The following THRB variants were observed in gnomAD, a reference collection of about 807,000 sequenced individuals.
THRB encodes nuclear receptor subfamily 1 group A member 2.
THRB carries 12 observed loss-of-function variants against 47.8 expected under a neutral mutation model. The observed-to-expected ratio is 0.25, with a 90% CI of 0.16 to 0.41. The LOEUF is 0.41. Among genes scored for constraint, THRB ranks in the 10% least tolerant of loss-of-function variants. The probability of loss-of-function intolerance (pLI) is 1.00; values close to 1 mark genes in which losing one functional copy is unlikely to be tolerated. For missense variants in THRB, 348 were observed against 589.2 expected, an observed-to-expected ratio of 0.59 and a Z score of 4.24; for synonymous variants, 218 against 212.2, an observed-to-expected ratio of 1.03 and a Z score of -0.24.
intron 1 of THRB, among the ~76,000 whole-genome samples, chr3:24,416,403 C>T (rs2150232564): frequency 6.6e-6 from 1 of 151,950 alleles, no homozygotes; most frequent in East Asian, 2.0e-4. Context: ...TCCTAAACTT[C>T]ACTGGGAGCT....
intron 5 of THRB, among the ~76,000 whole-genome samples, chr3:24,177,627 G>A (rs1575614011): frequency 6.6e-6 from 1 of 152,306 alleles, no homozygotes; most frequent in Non-Finnish European, 1.5e-5. Context: ...ATGGGGCATG[G>A]GGGCGCACAG....
intron 8 of THRB, among the ~76,000 whole-genome samples, chr3:24,141,848 A>G (rs956024530): frequency 1.2e-4 from 19 of 152,352 alleles, no homozygotes; most frequent in Middle Eastern, 3.4e-3. Flanking sequence ...TACAATGTCC[A>G]TTTATGGGTG....
Position 24,143,557 on chromosome 3 carries a change from CT to C in THRB, c.681del (p.Ala228ProfsTer28). 6.2e-7 allele frequency: 1 copy of C among 1,614,190 alleles called. No homozygotes were observed. The highest frequency in any genetic ancestry group is 1.1e-5 in the South Asian group (1 of 91,086). On this transcript the variant is annotated frameshift_variant, in exon 8 of 11. Coordinates refer to ENST00000646209, the MANE Select transcript of THRB (RefSeq NM_001354712.2). LOFTEE classifies it high-confidence loss of function. Reference sequence around the variant, plus strand: ...CCTTGGGCGTTGGTCGCCACATGGGCTTCGGTGACAGTTTTGATGAGCTCCC... The same window carrying C: ...CCTTGGGCGTTGGTCGCCACATGGGCTCGGTGACAGTTTTGATGAGCTCCC... ...EEWELIKTVT[E>X]AHVATNAQGS...
At chr3:24,255,077 T>C (rs1439220691) in intron 3 of THRB, among the ~76,000 whole-genome samples, 2 of 152,362 alleles carry the variant, frequency 1.3e-5, no homozygotes, top group African/African-American at 2.4e-5. Flanking sequence ...CACCAAGATA[T>C]AGGCTTTATC....
chr3:24,179,824 A>T (rs2041661609), intron 5 of THRB, among the ~76,000 whole-genome samples: 1 of 152,240 alleles, frequency 6.6e-6, no homozygotes, highest in African/African-American at 2.4e-5. Flanking sequence ...CCTGATATCA[A>T]AAAGTCTTAA....
At chr3:24,323,512 A>G (rs2058619832) in intron 2 of THRB, among the ~76,000 whole-genome samples, 1 of 152,222 alleles carries the variant, frequency 6.6e-6, no homozygotes, top group Non-Finnish European at 1.5e-5. Context: ...GATTCATTAG[A>G]TCTGGAGTGA....
chr3:24,288,153 A>T (rs2055527703), intron 3 of THRB, among the ~76,000 whole-genome samples: 1 of 152,250 alleles, frequency 6.6e-6, no homozygotes, highest in Admixed American at 6.5e-5. Flanking sequence ...TGGCCGGAGC[A>T]GGACAAATTG....
At position 24,131,043 on chromosome 3, in the gene THRB, G is replaced by A. The variant is rs114247722; in HGVS notation, c.885+2273C>T. 4.4e-4 allele frequency among the ~76,000 whole-genome samples: 67 copies of A among 152,264 alleles called. 1 individual carries two copies. The highest frequency in any genetic ancestry group is 1.1e-3 in the African/African-American group (46 of 41,556). On this transcript the variant is annotated intron_variant, in intron 9 of 10. Transcript: ENST00000646209. ...GTAACGATCTGCTTCTTTTGGTGCC[G>A]ATCATGTGGGTGGGTTCAGTTTGTA...
In THRB at chr3:24,313,308, G is replaced by A. The variant is rs779424233; in HGVS notation, c.-188-15937C>T. On this transcript the variant is annotated intron_variant, in intron 2 of 10. Coordinates refer to ENST00000646209, the MANE Select transcript of THRB (RefSeq NM_001354712.2). ...TATGTGCTGAACTCCTCAACCTGGCGCACATTCCTTGAAGGTGAGGGACCC... is the reference window on the plus strand; with the variant it reads ...TATGTGCTGAACTCCTCAACCTGGCACACATTCCTTGAAGGTGAGGGACCC... Among the ~76,000 whole-genome samples, 9 of 152,058 alleles carry A rather than the reference G, an allele frequency of 5.9e-5. 1 individual carries two copies. Among genetic ancestry groups the A allele is most frequent in the South Asian group, 2.1e-4 (1 of 4,818 alleles).
At chr3:24,171,174 G>A (rs969724039) in intron 5 of THRB, among the ~76,000 whole-genome samples, 2 of 152,198 alleles carry the variant, frequency 1.3e-5, no homozygotes, top group African/African-American at 2.4e-5. Flanking sequence ...CATGAGTCTC[G>A]ATCTTACCAC....
At chr3:24,480,914 G>T (rs1215777171) in intron 1 of THRB, among the ~76,000 whole-genome samples, 1 of 152,136 alleles carries the variant, frequency 6.6e-6, no homozygotes, top group Admixed American at 6.5e-5. Flanking sequence ...TCAGTGAAAA[G>T]AAAATTTAAA....
rs1422041653 is a variant in THRB at position 24,127,575 on chromosome 3, C to T, written c.1068G>A (p.Leu356=). The change falls in exon 10 of 11, where the codon CTG becomes CTA. Residue 356 remains leucine (L), a synonymous_variant. Transcript: ENST00000646209. ...GGTTGAAAGAAGACAGAGACATGCC[C>T]AGGTCAAAGATGGCGTCTGACACCA... ...LGVVSDAIFD[L]GMSLSSFNLD... 6.2e-6 allele frequency: 10 copies of T among 1,614,054 alleles called. No individual in the cohort carries two copies. The highest frequency in any genetic ancestry group is 8.5e-6 in the Non-Finnish European group (10 of 1,180,040).
intron 1 of THRB, among the ~76,000 whole-genome samples, chr3:24,465,272 A>G (rs1432610815): frequency 2.0e-5 from 3 of 152,124 alleles, no homozygotes; most frequent in East Asian, 1.9e-4. Context: ...TCTAGCGTCT[A>G]TTGTTGCTAA....
chr3:24,240,092 A>G (rs1559704540), intron 3 of THRB, among the ~76,000 whole-genome samples: 1 of 152,186 alleles, frequency 6.6e-6, no homozygotes, highest in Non-Finnish European at 1.5e-5. Context: ...AACCATGGCT[A>G]TAACAGCTTT....
intron 5 of THRB, among the ~76,000 whole-genome samples, chr3:24,189,465 C>G (rs73037654): frequency 0.025 from 3,753 of 152,196 alleles, 69 homozygotes; most frequent in South Asian, 0.061. Context: ...GTGGAGGCGA[C>G]CTGAGGTAAA....
At position 24,211,526 on chromosome 3, in the gene THRB, G is replaced by GA. The variant is rs112044262; in HGVS notation, c.22+17411dup. On this transcript the variant is annotated intron_variant, in intron 4 of 10. Coordinates refer to ENST00000646209, the MANE Select transcript of THRB (RefSeq NM_001354712.2). ...TAAACCTCAGGCTGTCTTCTCTCTG[G>GA]ACTGCCGTGGACCTATATTTGGATG... is the stretch of plus-strand genomic sequence containing the variant. Among the ~76,000 whole-genome samples the GA allele has an allele frequency of 6.6e-3, 1,012 of 152,296 alleles. 7 individuals carry two copies. The highest frequency in any genetic ancestry group is 0.022 in the African/African-American group (928 of 41,556).
At chr3:24,382,004 A>G (rs1359296986) in intron 1 of THRB, among the ~76,000 whole-genome samples, 1 of 152,184 alleles carries the variant, frequency 6.6e-6, no homozygotes, top group Non-Finnish European at 1.5e-5. Flanking sequence ...CAAGGAAAGG[A>G]GAAAAGTATC....
chr3:24,442,806 A>G (rs1468780027), intron 1 of THRB, among the ~76,000 whole-genome samples: 3 of 146,550 alleles, frequency 2.0e-5, no homozygotes, highest in Admixed American at 7.0e-5. Flanking sequence ...CCTGGGCAAC[A>G]AGAGTGAAAC....
intron 1 of THRB, among the ~76,000 whole-genome samples, chr3:24,493,320 T>C (rs73823342): frequency 0.018 from 2,803 of 152,360 alleles, 80 homozygotes; most frequent in East Asian, 0.077. Context: ...TTTTATTTCT[T>C]TGCAGTGCAT....
Sources: gnomAD v4.1 joint callset for allele counts (sites outside exome capture counted in the v4.1 genomes callset) on GRCh38, gnomAD v4.1.1 for gene constraint, MANE v1.5 for transcripts, NCBI Gene and HGNC (gene_info 2026-07-23, HGNC 2026-07-21) for gene names.